The following IPPK variants were observed in gnomAD, a reference collection of about 807,000 sequenced individuals.
IPPK encodes IPK1 homolog.
In IPPK, 22 loss-of-function variants were observed where a neutral mutation model predicts 64.6. The ratio of observed to expected loss-of-function variants is 0.34; its 90% CI spans 0.24 to 0.49. The LOEUF is 0.49. Among genes scored for constraint, IPPK ranks in the 20% least tolerant of loss-of-function variants. IPPK has a pLI of 0.99. For missense variants in IPPK, 532 were observed against 630.7 expected, an observed-to-expected ratio of 0.84 and a Z score of 1.68; for synonymous variants, 262 against 247.2, an observed-to-expected ratio of 1.06 and a Z score of -0.56.
At chr9:92,653,956 T>G (rs1339397249) in intron 3 of IPPK, among the ~76,000 whole-genome samples, 1 of 152,258 alleles carries the variant, frequency 6.6e-6, no homozygotes, top group African/African-American at 2.4e-5. Context: ...ATGCCGACTC[T>G]GGATGCCTCG....
chr9:92,615,827 A>G lies in IPPK; in HGVS notation c.*5T>C. On this transcript the variant is annotated 3_prime_UTR_variant, in exon 13 of 13. Transcript: ENST00000287996. Reference sequence around the variant, plus strand: ...TCAAGTTTCAAAGACACTGCAGGGAAAGAGTTAGACCTTGTGGAGAACTAA... The same window carrying G: ...TCAAGTTTCAAAGACACTGCAGGGAGAGAGTTAGACCTTGTGGAGAACTAA... 6.2e-7 allele frequency: 1 copy of G among 1,600,536 alleles called. No individual in the cohort carries two copies. The highest frequency in any genetic ancestry group is 2.2e-5 in the East Asian group (1 of 44,792).
chr9:92,658,450 A>AT (rs1244304629), intron 2 of IPPK, among the ~76,000 whole-genome samples, 184 bp downstream of exon 2: 2 of 152,206 alleles, frequency 1.3e-5, no homozygotes, highest in African/African-American at 4.8e-5. Context: ...ACAGTGACAC[A>AT]TGGGTTAACG....
chr9:92,663,138 C>A (rs1229879449), intron 1 of IPPK, among the ~76,000 whole-genome samples: 1 of 152,172 alleles, frequency 6.6e-6, no homozygotes, highest in African/African-American at 2.4e-5. Flanking sequence ...TGTTAACTAC[C>A]CAATAAAGAC....
At chr9:92,642,670 A>AC in intron 7 of IPPK, 82 bp downstream of exon 7, 2 of 826,034 alleles carry the variant, frequency 2.4e-6, no homozygotes, top group Non-Finnish European at 4.1e-6. Context: ...CTCACGAAAT[A>AC]CCCCCCACCA....
Position 92,670,096 on chromosome 9 carries a change from C to T in IPPK, c.-108G>A. Reference sequence around the variant, plus strand: ...CTGCGGTCGGGGGAGGAGCGCCTGTCAGCTGCCGCCCCCGCTCGACCCCGC... The same window carrying T: ...CTGCGGTCGGGGGAGGAGCGCCTGTTAGCTGCCGCCCCCGCTCGACCCCGC... On this transcript the variant is annotated 5_prime_UTR_variant, in exon 1 of 13. Coordinates refer to ENST00000287996, the MANE Select transcript of IPPK (RefSeq NM_022755.6). 1.5e-6 allele frequency: 1 copy of T among 689,368 alleles called. No homozygotes were observed. The highest frequency in any genetic ancestry group is 2.2e-6 in the Non-Finnish European group (1 of 445,260). The allele number at this position is 689,368 out of a possible 1,614,324, so 42.7% of individuals were successfully genotyped here.
chr9:92,628,008 A>G (rs1851765921), intron 11 of IPPK, among the ~76,000 whole-genome samples: 1 of 152,244 alleles, frequency 6.6e-6, no homozygotes, highest in Admixed American at 6.5e-5. Context: ...CTACAAGATC[A>G]ATATACAAAA....
chr9:92,655,295 G>C (rs1206249198), intron 3 of IPPK, among the ~76,000 whole-genome samples: 2 of 152,218 alleles, frequency 1.3e-5, no homozygotes, highest in Non-Finnish European at 2.9e-5. Flanking sequence ...CGTCAGCCTG[G>C]AATGGGCTCT....
intron 11 of IPPK, among the ~76,000 whole-genome samples, chr9:92,629,887 CA>C (rs1851804757): frequency 6.6e-6 from 1 of 152,100 alleles, no homozygotes; most frequent in South Asian, 2.1e-4. Context: ...CAAGTAATAA[CA>C]AGTGTTGCTG....
intron 8 of IPPK, 98 bp from the exon 9 acceptor site, chr9:92,638,378 G>T: frequency 7.1e-7 from 1 of 1,402,620 alleles, no homozygotes; most frequent in Non-Finnish European, 9.8e-7. Flanking sequence ...GCGGGTGAAA[G>T]CCAAGGGCCC....
intron 5 of IPPK, among the ~76,000 whole-genome samples, 167 bp downstream of exon 5, chr9:92,649,286 G>A (rs1013576664): frequency 2.6e-5 from 4 of 152,182 alleles, no homozygotes; most frequent in South Asian, 2.1e-4. Context: ...GAACCAGAAC[G>A]CAGGTGGGGG....
chr9:92,654,604 G>A (rs1049299175), intron 3 of IPPK, among the ~76,000 whole-genome samples: 16 of 152,316 alleles, frequency 1.1e-4, no homozygotes, highest in East Asian at 3.9e-4. Flanking sequence ...ATCCAATCAC[G>A]TGAGGACGCA....
At chr9:92,629,393 A>G (rs920193363) in intron 11 of IPPK, among the ~76,000 whole-genome samples, 1 of 152,234 alleles carries the variant, frequency 6.6e-6, no homozygotes, top group Non-Finnish European at 1.5e-5. Context: ...CCAATCATGT[A>G]TCTGATAAGG....
At chr9:92,642,472 A>G (rs1448020642) in intron 7 of IPPK, among the ~76,000 whole-genome samples, 1 of 152,284 alleles carries the variant, frequency 6.6e-6, no homozygotes, top group Non-Finnish European at 1.5e-5. Flanking sequence ...GCTGAGCACC[A>G]GTTGATTTCT....
intron 7 of IPPK, among the ~76,000 whole-genome samples, chr9:92,641,090 C>T (rs1852036966): frequency 6.6e-6 from 1 of 152,224 alleles, no homozygotes; most frequent in South Asian, 2.1e-4. Context: ...GTGGGAACCC[C>T]ACCAGCTGCA....
intron 8 of IPPK, 121 bp from the exon 9 acceptor site, chr9:92,638,401 C>G: frequency 8.6e-7 from 1 of 1,159,992 alleles, no homozygotes; most frequent in Non-Finnish European, 1.2e-6. Context: ...ATGCTGTCCA[C>G]CCAATCTGGG....
At position 92,626,711 on chromosome 9, in the gene IPPK, A is replaced by G. The variant is rs148502861; in HGVS notation, c.1171-7146T>C. On this transcript the variant is annotated intron_variant, in intron 11 of 12. Coordinates refer to ENST00000287996, the MANE Select transcript of IPPK (RefSeq NM_022755.6). The stretch of plus-strand genomic sequence containing the variant: ...ACATAAATCCACAAATAGAGAAAGC[A>G]TAACATACACCAAACAGGAAAAATA... Among the ~76,000 whole-genome samples the G allele has an allele frequency of 2.1e-4, 32 of 152,312 alleles. No individual in the cohort carries two copies. The East Asian group carries it at 5.4e-3, about 26-fold the overall frequency.
chr9:92,629,904 G>A (rs1312726242), intron 11 of IPPK, among the ~76,000 whole-genome samples: 11 of 152,214 alleles, frequency 7.2e-5, no homozygotes, highest in Admixed American at 7.2e-4. Context: ...TGCTGAAGAT[G>A]GGAAAAAAAT....
rs1443407704 is a variant in IPPK at position 92,658,643 on chromosome 9, A to G, written c.120T>C (p.Asn40=). 31 of 1,613,660 alleles carry G rather than the reference A, an allele frequency of 1.9e-5. No individual in the cohort carries two copies. The East Asian group carries it at 3.6e-4, about 19-fold the overall frequency. The stretch of plus-strand genomic sequence containing the variant: ...AACCCACCCATCTTACCTTCTTCCT[A>G]TTTGGAGGAAACTTCAGAAACCGCA... ...VVLRFLKFPP[N]RKKTSEEIFQ... Residue 40 remains asparagine, a synonymous_variant, in exon 2 of 13, where the codon AAT becomes AAC. Coordinates refer to ENST00000287996, the MANE Select transcript of IPPK (RefSeq NM_022755.6).
intron 1 of IPPK, among the ~76,000 whole-genome samples, chr9:92,663,792 T>C (rs912070535): frequency 6.6e-6 from 1 of 152,166 alleles, no homozygotes; most frequent in African/African-American, 2.4e-5. Flanking sequence ...AATCAGCTGT[T>C]CCAGAGATCT....
Sources: allele counts gnomAD v4.1 joint callset (sites outside exome capture counted in the v4.1 genomes callset), GRCh38; gene constraint gnomAD v4.1.1; transcripts MANE v1.5; gene names NCBI Gene and HGNC (gene_info 2026-07-23, HGNC 2026-07-21).